The following ANOS1 variants were observed in gnomAD, a reference collection of about 807,000 sequenced individuals.
The protein encoded by ANOS1 is anosmin-1.
In ANOS1, 6 loss-of-function variants were observed where a neutral mutation model predicts 59.0. That is an observed-to-expected ratio of 0.10 (90% CI 0.06 to 0.20). ANOS1 has a LOEUF of 0.20. ANOS1 is among the 10% of genes least tolerant of loss of function. The pLI is 1.00. For missense variants in ANOS1, 433 were observed against 542.3 expected (o/e 0.80, Z 2.00); for synonymous variants, 217 against 223.4 (o/e 0.97, Z 0.25).
chrX:8,588,724 G>A (rs186910310), intron 4 of ANOS1, among the ~76,000 whole-genome samples: 1 of 112,300 alleles, frequency 8.9e-6, no homozygotes, highest in East Asian at 2.8e-4. Flanking sequence ...TTTCTTTATC[G>A]CCTTCTGTAC....
Position 8,619,070 on chromosome X carries a change from CAAAAAAAAAA to C in ANOS1, c.318+4528_318+4537del, listed in dbSNP as rs1164164251. 4.5e-5 allele frequency among the ~76,000 whole-genome samples: 2 copies of C among 43,975 alleles called. 1 individual carries two copies. The highest frequency in any genetic ancestry group is 2.6e-3 in the East Asian group (2 of 766). 38.2% of individuals were successfully genotyped at this position (43,975 alleles called of 115,157 possible). A position where few individuals can be genotyped will look rare whatever the true frequency, so the allele number is the denominator to read the frequency against. ...CCTGGGCGACAGAGCAAACCTCTCT[CAAAAAAAAAA>C]AAAAAAAAAAAAAAAAAAAAAGAAA... is the stretch of plus-strand genomic sequence containing the variant. On this transcript the variant is annotated intron_variant, in intron 3 of 13. Coordinates refer to ENST00000262648, the MANE Select transcript of ANOS1 (RefSeq NM_000216.4).
intron 2 of ANOS1, among the ~76,000 whole-genome samples, chrX:8,687,048 T>C (rs1214736977): frequency 1.8e-5 from 2 of 112,209 alleles, no homozygotes; most frequent in African/African-American, 6.5e-5. Flanking sequence ...ACAACTTTCT[T>C]AGAGCAGCCC....
chrX:8,537,668 G>A (rs1056759963), intron 10 of ANOS1, among the ~76,000 whole-genome samples: 1 of 110,890 alleles, frequency 9.0e-6, no homozygotes, highest in African/African-American at 3.3e-5. Context: ...CTAGCTACTC[G>A]AGAGGCTGAG....
chrX:8,684,528 TC>T, intron 2 of ANOS1, among the ~76,000 whole-genome samples: 1 of 111,020 alleles, frequency 9.0e-6, no homozygotes, highest in Middle Eastern at 4.6e-3. Flanking sequence ...TTAATAAGTA[TC>T]TTTTTGTGGA....
chrX:8,619,070 C>CAA lies in ANOS1; in HGVS notation c.318+4536_318+4537dup, dbSNP rs1164164251. On this transcript the variant is annotated intron_variant, in intron 3 of 13. Coordinates refer to ENST00000262648, the MANE Select transcript of ANOS1 (RefSeq NM_000216.4). ...CCTGGGCGACAGAGCAAACCTCTCT[C>CAA]AAAAAAAAAAAAAAAAAAAAAAAAA... Among the ~76,000 whole-genome samples, 141 of 43,942 alleles carry CAA rather than the reference C, an allele frequency of 3.2e-3. 3 individuals are homozygous for CAA. The highest frequency in any genetic ancestry group is 4.8e-3 in the African/African-American group (57 of 11,951). 38.2% of individuals were successfully genotyped at this position (43,942 alleles called of 115,157 possible).
chrX:8,673,031 T>C (rs1489985315), intron 2 of ANOS1, among the ~76,000 whole-genome samples: 1 of 111,559 alleles, frequency 9.0e-6, no homozygotes, highest in African/African-American at 3.3e-5. Context: ...CCGCACATCA[T>C]AGTATAAAAG....
chrX:8,645,813 G>A (rs930393926), intron 2 of ANOS1, among the ~76,000 whole-genome samples: 31 of 111,793 alleles, frequency 2.8e-4, no homozygotes, highest in African/African-American at 9.4e-4. Context: ...CTGCCACCGC[G>A]CCCAGCTAAT....
intron 2 of ANOS1, among the ~76,000 whole-genome samples, chrX:8,623,894 G>T (rs1931341325): frequency 9.0e-6 from 1 of 111,246 alleles, no homozygotes; most frequent in Admixed American, 9.6e-5. Context: ...CAATTGGAAA[G>T]GAAAAGTTAC....
intron 2 of ANOS1, 127 bp downstream of exon 2, chrX:8,699,571 G>T: frequency 2.3e-6 from 1 of 441,378 alleles, no homozygotes; most frequent in Non-Finnish European, 3.9e-6. Flanking sequence ...ATTACTTAAA[G>T]TGTAACCATT....
At chrX:8,566,207 T>C in intron 8 of ANOS1, 2 of 750,940 alleles carry the variant, frequency 2.7e-6, no homozygotes, top group Non-Finnish European at 3.1e-6. Flanking sequence ...TTTCCTGTAG[T>C]TCTGTCTGTA....
intron 2 of ANOS1, among the ~76,000 whole-genome samples, chrX:8,667,376 G>C (rs1378308784): frequency 3.6e-5 from 4 of 110,678 alleles, no homozygotes; most frequent in Non-Finnish European, 7.5e-5. Flanking sequence ...GGCCAGCATG[G>C]ACTCAAACTC....
intron 2 of ANOS1, among the ~76,000 whole-genome samples, chrX:8,652,226 G>A (rs1931860170): frequency 8.9e-6 from 1 of 111,795 alleles, no homozygotes; most frequent in Admixed American, 9.5e-5. Context: ...GGCTCCCAAA[G>A]CGCTGAGATT....
chrX:8,611,008 A>G (rs991245420), intron 3 of ANOS1, among the ~76,000 whole-genome samples: 3 of 111,013 alleles, frequency 2.7e-5, no homozygotes, highest in Non-Finnish European at 5.7e-5. Context: ...AGGACCAGAA[A>G]TTATAGAAAT....
At chrX:8,690,513 G>A (rs939861727) in intron 2 of ANOS1, among the ~76,000 whole-genome samples, 1 of 111,833 alleles carries the variant, frequency 8.9e-6, no homozygotes, top group Non-Finnish European at 1.9e-5. Context: ...TGGTTCTTGG[G>A]TACTGGGGCA....
intron 9 of ANOS1, among the ~76,000 whole-genome samples, chrX:8,543,941 C>T (rs1281785086): frequency 1.8e-5 from 2 of 110,367 alleles, no homozygotes; most frequent in African/African-American, 3.3e-5. Context: ...GTGCTAAATA[C>T]CCAGTTGATC....
chrX:8,724,910 A>G (rs1047073445), intron 1 of ANOS1, among the ~76,000 whole-genome samples: 1 of 111,737 alleles, frequency 8.9e-6, no homozygotes, highest in Non-Finnish European at 1.9e-5. Context: ...TGATTAATGT[A>G]AAGAGGAAAA....
At chrX:8,702,133 C>G (rs978814977) in intron 1 of ANOS1, among the ~76,000 whole-genome samples, 45 of 110,331 alleles carry the variant, frequency 4.1e-4, no homozygotes, top group Non-Finnish European at 2.1e-4. Context: ...TCTCTCCCCC[C>G]ACATCTATGT....
At chrX:8,541,879 T>TG (rs1215559105) in intron 9 of ANOS1, among the ~76,000 whole-genome samples, 1 of 74,135 alleles carries the variant, frequency 1.3e-5, no homozygotes, top group Non-Finnish European at 2.6e-5. Context: ...TGAAGGTCTT[T>TG]GGTGAAGAGC....
chrX:8,659,604 TC>T (rs1932000227), intron 2 of ANOS1, among the ~76,000 whole-genome samples: 4 of 95,554 alleles, frequency 4.2e-5, no homozygotes, highest in African/African-American at 8.2e-5. Flanking sequence ...CTTCCTTCCT[TC>T]CTTCCTTCCT....
Sources: allele counts gnomAD v4.1 joint callset (sites outside exome capture counted in the v4.1 genomes callset), GRCh38; gene constraint gnomAD v4.1.1; transcripts MANE v1.5; gene names NCBI Gene and HGNC (gene_info 2026-07-23, HGNC 2026-07-21).